PDE1C: variants seen among roughly 807,000 people sequenced by gnomAD.
The protein encoded by PDE1C is dual specificity calcium/calmodulin-dependent 3',5'-cyclic nucleotide phosphodiesterase 1C.
Under a neutral mutation model 93.1 loss-of-function variants are expected in PDE1C, and 62 were observed. That is an observed-to-expected ratio of 0.67 (90% CI 0.54 to 0.82). The LOEUF (loss-of-function observed/expected upper bound fraction) is 0.82, where lower values mean the gene tolerates loss of function less well. Among genes scored for constraint, PDE1C ranks in the 40% least tolerant of loss-of-function variants. The pLI is 0.00. For missense variants in PDE1C, 742 were observed against 884.6 expected, an observed-to-expected ratio of 0.84 and a Z score of 2.04; for synonymous variants, 325 against 310.1, an observed-to-expected ratio of 1.05 and a Z score of -0.50.
chr7:31,980,970 A>G (rs537890257), intron 2 of PDE1C, among the ~76,000 whole-genome samples: 4 of 152,248 alleles, frequency 2.6e-5, no homozygotes, highest in Non-Finnish European at 5.9e-5. Flanking sequence ...CAAGACCCTT[A>G]ACTCAATCAC....
chr7:31,825,727 T>C (rs1412878197), intron 12 of PDE1C, among the ~76,000 whole-genome samples: 1 of 152,076 alleles, frequency 6.6e-6, no homozygotes, highest in African/African-American at 2.4e-5. Context: ...AGTGCCACTA[T>C]AAAGTGGAAA....
chr7:32,320,693 A>C lies in PDE1C; in HGVS notation c.310+107129T>G, dbSNP rs10241163. On this transcript the variant is annotated intron_variant, in intron 1 of 1. Transcript: ENST00000672256. ...AAGTTTCACATATGTGTTAATTTTCATATGTCCATGTCAATTTAAATATGC... is the reference window on the plus strand; with the variant it reads ...AAGTTTCACATATGTGTTAATTTTCCTATGTCCATGTCAATTTAAATATGC... 4.6e-5 allele frequency among the ~76,000 whole-genome samples: 7 copies of C among 152,332 alleles called. No individual in the cohort carries two copies. In the East Asian group the frequency reaches 9.6e-4, roughly 21 times the overall value.
At chr7:31,786,491 T>C (rs893792344) in intron 16 of PDE1C, 2 of 152,182 alleles carry the variant, frequency 1.3e-5, no homozygotes, top group Non-Finnish European at 2.9e-5. Flanking sequence ...ATATAGAAGT[T>C]GAATAAATTT....
the PDE1C span, among the ~76,000 whole-genome samples, chr7:31,715,733 T>A: frequency 1.3e-5 from 2 of 152,242 alleles, no homozygotes; most frequent in African/African-American, 2.4e-5. Flanking sequence ...CCATTGGCTA[T>A]AACCCATAGT....
intron 2 of PDE1C, among the ~76,000 whole-genome samples, chr7:31,927,661 T>C (rs2128972382): frequency 6.6e-6 from 1 of 152,284 alleles, no homozygotes; most frequent in East Asian, 1.9e-4. Context: ...AAACAGGGTC[T>C]GGAGTGGACC....
chr7:32,203,657 C>T (rs1805192525), intron 2 of PDE1C, among the ~76,000 whole-genome samples: 1 of 152,138 alleles, frequency 6.6e-6, no homozygotes, highest in African/African-American at 2.4e-5. Flanking sequence ...CCCCCATTAT[C>T]CGAGGGGGTA....
the PDE1C span, among the ~76,000 whole-genome samples, chr7:31,637,315 G>A: frequency 3.8e-3 from 577 of 152,238 alleles, 5 homozygotes; most frequent in African/African-American, 0.013. Flanking sequence ...TCGCCACACT[G>A]ACTTCCACAA....
chr7:31,655,800 C>T, the PDE1C span: 1 of 985,628 alleles, frequency 1.0e-6, no homozygotes, highest in Non-Finnish European at 1.2e-6. Flanking sequence ...TTTTGACCTC[C>T]CCTTCTCCAT....
chr7:31,899,750 T>C (rs906222582), intron 2 of PDE1C, among the ~76,000 whole-genome samples: 9 of 152,168 alleles, frequency 5.9e-5, no homozygotes, highest in Non-Finnish European at 1.3e-4. Context: ...AGCAGATTAA[T>C]CTATTACCCA....
At chr7:32,269,668 C>T (rs1414694879) in intron 1 of PDE1C, among the ~76,000 whole-genome samples, 4 of 152,014 alleles carry the variant, frequency 2.6e-5, no homozygotes, top group Non-Finnish European at 4.4e-5. Context: ...TTAGTAGAGA[C>T]GGGGTTTCAC....
At chr7:32,300,835 G>A (rs1812865290), upstream of PDE1C, among the ~76,000 whole-genome samples, 1 of 151,860 alleles carries the variant, frequency 6.6e-6, no homozygotes, top group African/African-American at 2.4e-5. Context: ...TGTGGGCTTG[G>A]TTTTTTGTTT....
chr7:32,365,128 A>G (rs902921273), intron 1 of PDE1C, among the ~76,000 whole-genome samples: 2 of 152,088 alleles, frequency 1.3e-5, no homozygotes, highest in Non-Finnish European at 2.9e-5. Context: ...CTGCCCAGTG[A>G]CCCTGGACCT....
At chr7:31,887,800 C>CA (rs142132474) in intron 2 of PDE1C, among the ~76,000 whole-genome samples, 2,757 of 151,922 alleles carry the variant, frequency 0.018, 84 homozygotes, top group African/African-American at 0.064. Context: ...GAACCCAAAA[C>CA]AAAAAATGGC....
At chr7:31,625,819 CTT>C in the PDE1C span, among the ~76,000 whole-genome samples, 2,296 of 149,888 alleles carry the variant, frequency 0.015, 22 homozygotes, top group Non-Finnish European at 0.025. Flanking sequence ...CTTAGAATGT[CTT>C]TTTTTTTAAA....
At chr7:31,940,741 A>G (rs1805712871) in intron 2 of PDE1C, among the ~76,000 whole-genome samples, 1 of 152,138 alleles carries the variant, frequency 6.6e-6, no homozygotes. Flanking sequence ...CTGATAATTA[A>G]TTCTGGTAAG....
intron 2 of PDE1C, among the ~76,000 whole-genome samples, chr7:31,999,043 T>C (rs1265317630): frequency 6.6e-6 from 1 of 152,130 alleles, no homozygotes. Flanking sequence ...CTTGGAACAT[T>C]TTCAGAAACT....
At chr7:31,943,587 CA>C (rs1806147272) in intron 2 of PDE1C, among the ~76,000 whole-genome samples, 1 of 152,098 alleles carries the variant, frequency 6.6e-6, no homozygotes, top group Admixed American at 6.5e-5. Context: ...GCAAGTTCAC[CA>C]ACAGTAGTCC....
At chr7:32,154,075 GA>G (rs1288208276) in intron 3 of PDE1C, among the ~76,000 whole-genome samples, 2 of 152,144 alleles carry the variant, frequency 1.3e-5, no homozygotes, top group Admixed American at 1.3e-4. Flanking sequence ...GCAACATGAT[GA>G]AACCCTGCCT....
At chr7:31,985,771 T>C (rs1292865376) in intron 2 of PDE1C, among the ~76,000 whole-genome samples, 1 of 152,224 alleles carries the variant, frequency 6.6e-6, no homozygotes, top group Non-Finnish European at 1.5e-5. Flanking sequence ...TATGGCTGCA[T>C]AGTATTCCAT....
Sources: gnomAD v4.1 joint callset for allele counts (sites outside exome capture counted in the v4.1 genomes callset) on GRCh38, gnomAD v4.1.1 for gene constraint, MANE v1.5 for transcripts, NCBI Gene and HGNC (gene_info 2026-07-23, HGNC 2026-07-21) for gene names.